The following EXD3 variants were observed in gnomAD, a reference collection of about 807,000 sequenced individuals.
The protein encoded by EXD3 is exonuclease mut-7 homolog.
EXD3 carries 92 observed loss-of-function variants against 98.0 expected under a neutral mutation model. The ratio of observed to expected loss-of-function variants is 0.94; its 90% CI spans 0.79 to 1.12. The LOEUF (loss-of-function observed/expected upper bound fraction) is 1.12, where lower values mean the gene tolerates loss of function less well. EXD3 is among the 50% of genes most tolerant of loss of function. The pLI is 0.00. For synonymous variants in EXD3, 569 were observed against 526.0 expected (o/e 1.08, Z -1.12); for missense variants, 1,222 against 1,191.6 (o/e 1.03, Z -0.38).
intron 7 of EXD3, chr9:137,365,855 A>G: frequency 2.8e-6 from 1 of 359,566 alleles, no homozygotes; most frequent in South Asian, 2.1e-5. Context: ...AACGAACACA[A>G]TGCACACACA....
rs1459137427 is a variant in EXD3, at chr9:137,349,180, T to C, written c.1760A>G (p.His587Arg). Residue 587 changes from histidine (H) to arginine (R), a missense_variant, in exon 16 of 22, where the codon CAC (histidine) becomes CGC (arginine). Transcript: ENST00000340951. The surrounding 1 kb of genome is among the most constrained non-coding windows in gnomAD (Gnocchi z 7.4). ...CTTCCGTGCCCCTGGTCTCTCTCTGTGCCTGGGCCTCCGGCTCCCAGCCAG... is the reference window on the plus strand; with the variant it reads ...CTTCCGTGCCCCTGGTCTCTCTCTGCGCCTGGGCCTCCGGCTCCCAGCCAG... Reference protein sequence around the residue: ...EDLAGSRRPRHRERPGARKPP... With the variant: ...EDLAGSRRPRRRERPGARKPP... 1 of 1,591,620 alleles carries C rather than the reference T, an allele frequency of 6.3e-7. No homozygotes were observed. Among genetic ancestry groups the C allele is most frequent in the Non-Finnish European group, 8.5e-7 (1 of 1,174,748 alleles).
intron 19 of EXD3, among the ~76,000 whole-genome samples, chr9:137,317,008 G>A (rs934361853): frequency 9.9e-5 from 15 of 152,116 alleles, no homozygotes; most frequent in African/African-American, 3.1e-4. Flanking sequence ...ATGTCATGAG[G>A]CATAGGGGTG....
chr9:137,357,795 G>GGAC (rs1299557764), intron 7 of EXD3, among the ~76,000 whole-genome samples: 1 of 151,076 alleles, frequency 6.6e-6, no homozygotes, highest in Non-Finnish European at 1.5e-5. Context: ...ACGATCACAG[G>GGAC]GTCCCACAAT....
chr9:137,364,167 T>C (rs760041859), intron 7 of EXD3, among the ~76,000 whole-genome samples: 30 of 152,136 alleles, frequency 2.0e-4, no homozygotes, highest in Non-Finnish European at 4.1e-4. Context: ...TCCATTACCA[T>C]TGTCATTTTT....
rs1315726447 is a variant in EXD3 at position 137,351,490 on chromosome 9, A to G, written c.1212T>C (p.Pro404=). 2 of 1,597,866 alleles carry G rather than the reference A, an allele frequency of 1.3e-6. No homozygotes were observed. Among genetic ancestry groups the G allele is most frequent in the East Asian group, 2.3e-5 (1 of 43,988 alleles). The change falls in exon 13 of 22, where the codon CCT becomes CCC. Residue 404 remains proline, a synonymous_variant. Coordinates refer to ENST00000340951, the MANE Select transcript of EXD3 (RefSeq NM_017820.5). ...GAGGCCGGCCCCCAGCAACAAACAC[A>G]GGTGTCCACTCCACGTCTACACCAA... The part of the protein sequence containing the change: ...QVVGVDVEWT[P]VFVAGGRPRP...
rs1837674089 is a variant in EXD3, at chr9:137,405,507, C to T, written c.-47-10103G>A. 6.6e-6 allele frequency among the ~76,000 whole-genome samples: 1 copy of T among 152,230 alleles called. No homozygotes were observed. The highest frequency in any genetic ancestry group is 6.5e-5 in the Admixed American group (1 of 15,286). ...CCCGTCCCCAGCCACTCACCCGTCC[C>T]CAGCATCCACAGTTTCTCAGGCTCT... On this transcript the variant is annotated intron_variant, in intron 1 of 21. Transcript: ENST00000340951. This position sits in a 1 kb window ranked among gnomAD's most constrained non-coding sequence, Gnocchi z 4.1.
chr9:137,373,469 A>T lies in EXD3; in HGVS notation c.251T>A (p.Leu84Gln). The T allele has an allele frequency of 6.2e-7, 1 of 1,609,564 alleles. No homozygotes were observed. Among genetic ancestry groups the T allele is most frequent in the South Asian group, 1.1e-5 (1 of 90,580 alleles). Reference protein sequence around the residue: ...PSLAAWISHQLQCWLQAQPCP... With the variant: ...PSLAAWISHQQQCWLQAQPCP... ...TGGCTGTGCCTGTAGCCAGCACTGC[A>T]GCTGGTGGGAGATCCAGGCCGCCAG... The change falls in exon 4 of 22, where the codon CTG becomes CAG. Residue 84 changes from leucine to glutamine, a missense_variant. Physicochemically the swap from Leu to Gln is moderately radical, Grantham distance 113. Coordinates refer to ENST00000340951, the MANE Select transcript of EXD3 (RefSeq NM_017820.5).
rs1167114393 is a variant in EXD3 at position 137,385,364 on chromosome 9, G to A, written c.56-1987C>T. ...CATGGCAGGCAGTGTGACTGGCCCC[G>A]CATTCTGGGTGCTGCATGCTGGGCA... On this transcript the variant is annotated intron_variant, in intron 2 of 21. Transcript: ENST00000340951. This position sits in a 1 kb window ranked among gnomAD's most constrained non-coding sequence, Gnocchi z 4.4. 1.3e-5 allele frequency among the ~76,000 whole-genome samples: 2 copies of A among 151,634 alleles called. No homozygotes were observed. The highest frequency in any genetic ancestry group is 2.9e-5 in the Non-Finnish European group (2 of 67,894).
At chr9:137,329,309 G>A (rs867555154) in intron 17 of EXD3, among the ~76,000 whole-genome samples, 341 of 15,434 alleles carry the variant, frequency 0.022, 98 homozygotes, top group Admixed American at 0.093. Flanking sequence ...GCTACACGGG[G>A]CTACACGGGA....
Position 137,403,429 on chromosome 9 carries a change from C to A in EXD3, c.-47-8025G>T, listed in dbSNP as rs1044059603. 4.7e-5 allele frequency among the ~76,000 whole-genome samples: 7 copies of A among 149,678 alleles called. No homozygotes were observed. The highest frequency in any genetic ancestry group is 1.7e-4 in the African/African-American group (7 of 40,466). ...GCCCTCCCCACCCCCAGCCCAGCAG[C>A]AGCAGCAGCCAGCACACCCTGGCCC... On this transcript the variant is annotated intron_variant, in intron 1 of 21. Coordinates refer to ENST00000340951, the MANE Select transcript of EXD3 (RefSeq NM_017820.5). The surrounding 1 kb of genome is among the most constrained non-coding windows in gnomAD (Gnocchi z 6.1).
At chr9:137,368,728 TGCGCAGGGTGGGG>T (rs1295049712) in intron 5 of EXD3, among the ~76,000 whole-genome samples, 1 of 152,152 alleles carries the variant, frequency 6.6e-6, no homozygotes, top group Admixed American at 6.5e-5. Flanking sequence ...CCAGCCCCGG[TGCGCAGGGTGGGG>T]GCGCAGGGCC....
intron 19 of EXD3, among the ~76,000 whole-genome samples, chr9:137,318,960 A>C (rs1831869982): frequency 6.6e-6 from 1 of 152,250 alleles, no homozygotes; most frequent in African/African-American, 2.4e-5. Flanking sequence ...TCGCTCTGGG[A>C]ACCCTGCACG....
At chr9:137,386,402 CCAGT>C (rs1836592997) in intron 2 of EXD3, among the ~76,000 whole-genome samples, 1 of 152,106 alleles carries the variant, frequency 6.6e-6, no homozygotes, top group Admixed American at 6.5e-5. Flanking sequence ...CTCCTACTCC[CCAGT>C]CAGTGTTGCT....
In EXD3 at chr9:137,379,079, T is replaced by C. The variant is rs11497284; in HGVS notation, c.120+4234A>G. Among the ~76,000 whole-genome samples the C allele has an allele frequency of 1.9e-3, 145 of 75,980 alleles. 1 individual carries two copies. The highest frequency in any genetic ancestry group is 0.022 in the Middle Eastern group (2 of 92). 49.8% of individuals were successfully genotyped at this position (75,980 alleles called of 152,430 possible). A position where few individuals can be genotyped will look rare whatever the true frequency, so the allele number is the denominator to read the frequency against. The stretch of plus-strand genomic sequence containing the variant: ...GCGTCTGTGTGAGGGGTACGGGGTT[T>C]GTGGGTGACGGTGACCATTGCCTGT... On this transcript the variant is annotated intron_variant, in intron 3 of 21. Transcript: ENST00000340951.
intron 19 of EXD3, among the ~76,000 whole-genome samples, chr9:137,312,158 C>G (rs367632636): frequency 7.9e-5 from 12 of 152,266 alleles, no homozygotes; most frequent in African/African-American, 2.9e-4. Flanking sequence ...TGGGGCCTGA[C>G]GGGGACCCTG....
intron 3 of EXD3, among the ~76,000 whole-genome samples, chr9:137,383,022 G>A (rs879928460): frequency 9.9e-5 from 15 of 152,202 alleles, no homozygotes; most frequent in Non-Finnish European, 1.5e-4. Flanking sequence ...CAGTGCTGGC[G>A]ACAGCTGTGT....
intron 17 of EXD3, among the ~76,000 whole-genome samples, chr9:137,333,440 G>A (rs916505405): frequency 5.9e-5 from 9 of 152,174 alleles, no homozygotes; most frequent in Non-Finnish European, 7.3e-5. Context: ...AACCCTGGCT[G>A]ACACTATACT....
intron 17 of EXD3, among the ~76,000 whole-genome samples, chr9:137,333,658 G>A (rs779772641): frequency 2.6e-5 from 4 of 151,934 alleles, no homozygotes; most frequent in Admixed American, 2.0e-4. Flanking sequence ...TTGCTCTCTC[G>A]CTCCTGCCTT....
At chr9:137,316,480 T>C (rs1160201822) in intron 19 of EXD3, among the ~76,000 whole-genome samples, 1 of 151,626 alleles carries the variant, frequency 6.6e-6, no homozygotes, top group Non-Finnish European at 1.5e-5. Flanking sequence ...TTCCAACCAA[T>C]GGGGCCGGTC....
Sources: allele counts gnomAD v4.1 joint callset (sites outside exome capture counted in the v4.1 genomes callset), GRCh38; gene constraint gnomAD v4.1.1; non-coding constraint Gnocchi (gnomAD v3.1); transcripts MANE v1.5; gene names NCBI Gene and HGNC (gene_info 2026-07-23, HGNC 2026-07-21).